RANBP2: variants seen among roughly 807,000 people sequenced by gnomAD.
RANBP2 encodes the protein RAN binding protein 2.
In RANBP2, 57 loss-of-function variants were observed where a neutral mutation model predicts 303.6. That is an observed-to-expected ratio of 0.19 (90% confidence interval 0.15 to 0.23). RANBP2 has a LOEUF of 0.23. RANBP2 is among the 10% of genes least tolerant of loss of function. RANBP2 has a pLI of 1.00. For synonymous variants in RANBP2, 1,167 were observed against 1,301.5 expected, an observed-to-expected ratio of 0.90 and a Z score of 2.23; for missense variants, 3,138 against 3,780.8, an observed-to-expected ratio of 0.83 and a Z score of 4.46.
the RANBP2 span, among the ~76,000 whole-genome samples, chr2:109,403,297 C>T: frequency 3.9e-5 from 6 of 152,332 alleles, no homozygotes; most frequent in Non-Finnish European, 7.3e-5. Flanking sequence ...ATCTCTCCTT[C>T]GGCTTCTTCT....
chr2:108,991,611 T>G, the RANBP2 span, among the ~76,000 whole-genome samples: 4 of 152,228 alleles, frequency 2.6e-5, no homozygotes, highest in Non-Finnish European at 5.9e-5. Context: ...AGGAGTCTTA[T>G]GGAGGGGCAC....
chr2:109,080,339 A>G, the RANBP2 span, among the ~76,000 whole-genome samples: 1 of 152,300 alleles, frequency 6.6e-6, no homozygotes, highest in Middle Eastern at 3.4e-3. Context: ...CTGCCCCATC[A>G]GGAGCCTGCC....
chr2:109,348,748 TC>T, the RANBP2 span, among the ~76,000 whole-genome samples: 2 of 152,018 alleles, frequency 1.3e-5, no homozygotes, highest in African/African-American at 2.4e-5. Context: ...CCCTCCTGCT[TC>T]CCCTTCCTCC....
the RANBP2 span, among the ~76,000 whole-genome samples, chr2:109,650,487 G>A: frequency 7.8e-4 from 119 of 152,264 alleles, no homozygotes; most frequent in African/African-American, 2.5e-3. Context: ...TGGGGAGACC[G>A]GGCAGGGGTC....
At chr2:109,726,721 G>A in the RANBP2 span, among the ~76,000 whole-genome samples, 3 of 152,148 alleles carry the variant, frequency 2.0e-5, no homozygotes, top group African/African-American at 7.2e-5. Context: ...GGCTGAAACA[G>A]GGCTAAATGT....
the RANBP2 span, among the ~76,000 whole-genome samples, chr2:109,134,751 G>C: frequency 6.6e-6 from 1 of 152,168 alleles, no homozygotes; most frequent in Non-Finnish European, 1.5e-5. Context: ...TTGGTAGCAC[G>C]ATTCTAAACA....
At chr2:108,843,244 G>A in the RANBP2 span, among the ~76,000 whole-genome samples, 6 of 151,808 alleles carry the variant, frequency 4.0e-5, no homozygotes, top group African/African-American at 2.4e-5. Flanking sequence ...TGCAACCTCC[G>A]TCTGCTGGGT....
the RANBP2 span, chr2:108,876,330 T>C: frequency 2.3e-5 from 19 of 814,022 alleles, no homozygotes; most frequent in East Asian, 4.6e-4. Flanking sequence ...ACTACAATTC[T>C]ACCAAGTAAA....
the RANBP2 span, among the ~76,000 whole-genome samples, chr2:109,480,041 T>C: frequency 1.2e-4 from 19 of 152,254 alleles, no homozygotes; most frequent in Admixed American, 7.8e-4. Context: ...CTGCTGTGGG[T>C]TGAGGACAAT....
the RANBP2 span, among the ~76,000 whole-genome samples, chr2:108,925,631 T>G: frequency 6.6e-6 from 1 of 151,890 alleles, no homozygotes; most frequent in African/African-American, 2.4e-5. Context: ...CTTTTTTTTT[T>G]CCCCCTGAAA....
the RANBP2 span, among the ~76,000 whole-genome samples, chr2:109,369,181 TAAAAAAAAAAAAA>T: frequency 7.2e-6 from 1 of 138,264 alleles, no homozygotes; most frequent in African/African-American, 2.7e-5. Context: ...CGTCTCTTCT[TAAAAAAAAAAAAA>T]AAAATTAGCC....
chr2:108,962,654 G>A, the RANBP2 span, among the ~76,000 whole-genome samples: 99,244 of 137,884 alleles, frequency 0.72, 40,545 homozygotes, highest in Non-Finnish European at 0.93. Flanking sequence ...CAGCCTGGGC[G>A]ACAGAGCGAG....
chr2:109,439,014 G>A, the RANBP2 span, among the ~76,000 whole-genome samples: 13 of 152,182 alleles, frequency 8.5e-5, no homozygotes, highest in Non-Finnish European at 1.9e-4. Context: ...GCCCTGGGTT[G>A]TCTGCCCAGA....
chr2:108,765,742 G>A lies in RANBP2; in HGVS notation c.5203G>A (p.Val1735Ile), dbSNP rs1295410844. ...ACAGTGGGATTGCAGTGTGTGCTTA[G>A]TAAGAAATGAAGCCAGTGCTACCAA... ...EGQWDCSVCL[V>I]RNEASATKCI... The change falls in exon 20 of 29, where the codon GTA becomes ATA. Residue 1735 changes from valine (V) to isoleucine (I), a missense_variant. Val to Ile is a conservative substitution (Grantham distance 29). Transcript: ENST00000283195. 3 of 1,614,004 alleles carry A rather than the reference G, an allele frequency of 1.9e-6. No homozygotes were observed. The highest frequency in any genetic ancestry group is 2.5e-6 in the Non-Finnish European group (3 of 1,179,986).
Position 108,740,595 on chromosome 2 carries a change from C to T in RANBP2, c.889C>T (p.Leu297Phe). The change falls in exon 7 of 29, where the codon CTT becomes TTT. Residue 297 changes from leucine to phenylalanine, a missense_variant. By Grantham distance (22) the Leu-to-Phe change is conservative. This residue lies in a region of RANBP2 where 306 missense variants were observed against 381.9 expected (regional missense o/e 0.80). Transcript: ENST00000283195. ...TTTCTACATGCATGCTGGTTCTCTG[C>T]TTTTGAAGATGGGTCAGCATAGTAG... ...GHFYMHAGSL[L>F]LKMGQHSSNV... 3.8e-6 allele frequency: 6 copies of T among 1,597,526 alleles called. No homozygotes were observed. The highest frequency in any genetic ancestry group is 4.2e-6 in the Non-Finnish European group (5 of 1,179,784).
chr2:108,787,030 C>G, downstream of RANBP2: 1 of 567,916 alleles, frequency 1.8e-6, no homozygotes, highest in Non-Finnish European at 2.7e-6. Flanking sequence ...GGCCCCGGCA[C>G]TCCCGCCGTG....
chr2:108,726,443 T>TG (rs1573687574), intron 1 of RANBP2, among the ~76,000 whole-genome samples: 1 of 151,182 alleles, frequency 6.6e-6, no homozygotes. Context: ...TTTTTGTTTT[T>TG]TTTTTTTTTT....
chr2:108,732,287 T>C (rs904566484), intron 4 of RANBP2, among the ~76,000 whole-genome samples: 3 of 152,082 alleles, frequency 2.0e-5, no homozygotes, highest in African/African-American at 7.2e-5. Context: ...ACTTCATTTT[T>C]CCCCAATGCT....
the RANBP2 span, among the ~76,000 whole-genome samples, chr2:108,978,553 G>A: frequency 1.3e-5 from 2 of 152,178 alleles, no homozygotes; most frequent in Admixed American, 6.5e-5. Context: ...GGAGGCTGAG[G>A]TTCAGAGCAC....
Sources: allele counts gnomAD v4.1 joint callset (sites outside exome capture counted in the v4.1 genomes callset), GRCh38; gene constraint gnomAD v4.1.1; regional missense constraint gnomAD v4.1.1; transcripts MANE v1.5; gene names NCBI Gene and HGNC (gene_info 2026-07-23, HGNC 2026-07-21).